The following CHCHD6 variants were observed in gnomAD, a reference collection of about 807,000 sequenced individuals.
CHCHD6 encodes the protein coiled-coil-helix-coiled-coil-helix domain containing 6.
CHCHD6 carries 28 observed loss-of-function variants against 32.3 expected under a neutral mutation model. The ratio of observed to expected loss-of-function variants is 0.87; its 90% confidence interval spans 0.64 to 1.19. The LOEUF is 1.19. Ranked by LOEUF, CHCHD6 falls within the 50% of genes most tolerant of loss-of-function variation. The pLI is 0.00. For synonymous variants in CHCHD6, 122 were observed against 117.5 expected, an observed-to-expected ratio of 1.04 and a Z score of -0.25; for missense variants, 333 against 307.0, an observed-to-expected ratio of 1.08 and a Z score of -0.63.
chr3:126,745,408 G>A (rs1407336292), intron 4 of CHCHD6, among the ~76,000 whole-genome samples: 1 of 152,178 alleles, frequency 6.6e-6, no homozygotes, highest in African/African-American at 2.4e-5. Flanking sequence ...TTGTTAGCAT[G>A]CTTTCATAAT....
chr3:126,886,243 A>G (rs1228305167), intron 5 of CHCHD6, among the ~76,000 whole-genome samples: 3 of 152,224 alleles, frequency 2.0e-5, no homozygotes, highest in Non-Finnish European at 2.9e-5. Context: ...CTGATTCACA[A>G]GTTCTCTTTT....
chr3:126,941,750 T>C (rs1423838639), intron 6 of CHCHD6, among the ~76,000 whole-genome samples: 8 of 152,322 alleles, frequency 5.3e-5, no homozygotes, highest in Non-Finnish European at 1.2e-4. Context: ...TCACCTTTTC[T>C]CTCTAGATGA....
intron 4 of CHCHD6, among the ~76,000 whole-genome samples, chr3:126,807,389 C>G (rs1939446152): frequency 6.6e-6 from 1 of 151,844 alleles, no homozygotes; most frequent in South Asian, 2.1e-4. Context: ...AAAAATCACA[C>G]TTAGAAAAAA....
chr3:126,716,177 G>A (rs2107652169), intron 1 of CHCHD6, among the ~76,000 whole-genome samples: 1 of 152,230 alleles, frequency 6.6e-6, no homozygotes, highest in African/African-American at 2.4e-5. Flanking sequence ...AGCTTCCTTG[G>A]TTTGCCATCC....
chr3:126,862,628 T>C (rs1201741442), intron 5 of CHCHD6, among the ~76,000 whole-genome samples: 26 of 29,080 alleles, frequency 8.9e-4, no homozygotes, highest in Admixed American at 3.2e-3. Flanking sequence ...TCCTCCACCA[T>C]CACCACCTCA....
intron 4 of CHCHD6, among the ~76,000 whole-genome samples, chr3:126,767,835 G>A (rs528478456): frequency 6.6e-6 from 1 of 152,208 alleles, no homozygotes; most frequent in South Asian, 2.1e-4. Flanking sequence ...CTTGTAAGTG[G>A]GAACATGCAG....
intron 4 of CHCHD6, among the ~76,000 whole-genome samples, chr3:126,823,992 A>AT (rs1491452418): frequency 2.6e-5 from 4 of 152,046 alleles, no homozygotes; most frequent in Non-Finnish European, 5.9e-5. Context: ...GGAGGTTCAC[A>AT]TGAGTCCTGG....
In CHCHD6 at chr3:126,704,406, G is replaced by T. The variant is rs368894266; in HGVS notation, c.87+7G>T. The T allele has an allele frequency of 6.7e-5, 101 of 1,517,676 alleles. 1 individual carries two copies. In the Middle Eastern group the frequency reaches 7.0e-4, roughly 11 times the overall value. 94.0% of individuals were successfully genotyped at this position (1,517,676 alleles called of 1,614,324 possible). The stretch of plus-strand genomic sequence containing the variant: ...GGTGCTGCAGGGTGTCCGGGTGAGC[G>T]GCGCCGCCTGGGCCGGGGCGGGCGT... On this transcript the variant is annotated splice_region_variant and intron_variant, in intron 1 of 7. Transcript: ENST00000290913.
intron 3 of CHCHD6, among the ~76,000 whole-genome samples, chr3:126,731,407 T>C (rs193141237): frequency 6.6e-6 from 1 of 152,336 alleles, no homozygotes; most frequent in African/African-American, 2.4e-5. Flanking sequence ...GGGTGGCATC[T>C]TGATCCTGCA....
chr3:126,886,342 A>G (rs1173141182), intron 5 of CHCHD6, among the ~76,000 whole-genome samples: 1 of 152,220 alleles, frequency 6.6e-6, no homozygotes, highest in Non-Finnish European at 1.5e-5. Context: ...TTTAAATTGT[A>G]TGCTGTTCTT....
At chr3:126,880,690 A>G (rs925019447) in intron 5 of CHCHD6, among the ~76,000 whole-genome samples, 10 of 151,978 alleles carry the variant, frequency 6.6e-5, no homozygotes, top group African/African-American at 2.4e-4. Flanking sequence ...AAGGATGAGT[A>G]AAAGGGAAAA....
rs1051679775 is a variant in CHCHD6, at chr3:126,855,920, C to T, written c.495+3190C>T. Among the ~76,000 whole-genome samples the T allele has an allele frequency of 2.6e-5, 4 of 152,102 alleles. No homozygotes were observed. In the South Asian group the frequency reaches 6.2e-4, roughly 24 times the overall value. Reference sequence around the variant, plus strand: ...CAGGAGAACCGCAAGGTCCCATGGCCGGCTGAGCAAGCAAACCACTGCTCA... The same window carrying T: ...CAGGAGAACCGCAAGGTCCCATGGCTGGCTGAGCAAGCAAACCACTGCTCA... On this transcript the variant is annotated intron_variant, in intron 5 of 7. Transcript: ENST00000290913.
At position 126,777,542 on chromosome 3, in the gene CHCHD6, G is replaced by A. The variant is rs1937708231; in HGVS notation, c.411+44320G>A. 2.6e-5 allele frequency among the ~76,000 whole-genome samples: 4 copies of A among 152,166 alleles called. No individual in the cohort carries two copies. The South Asian group carries it at 8.3e-4, about 32-fold the overall frequency. On this transcript the variant is annotated intron_variant, in intron 4 of 7. Transcript: ENST00000290913. ...CAAGATACCCTCTAGGAGACACACA[G>A]AAATGAGGCAGACTGCAGGAGGCAC...
At chr3:126,900,602 CTTTTTTTT>C (rs35627042) in intron 5 of CHCHD6, among the ~76,000 whole-genome samples, 1 of 116,800 alleles carries the variant, frequency 8.6e-6, no homozygotes, top group East Asian at 2.5e-4. Context: ...GTGTGACACA[CTTTTTTTT>C]TTTTTTTTTT....
intron 4 of CHCHD6, among the ~76,000 whole-genome samples, chr3:126,823,335 TG>T (rs1940233968): frequency 6.6e-6 from 1 of 152,230 alleles, no homozygotes; most frequent in Non-Finnish European, 1.5e-5. Context: ...TAGATCAATT[TG>T]TAGAGAATTG....
At position 126,736,230 on chromosome 3, in the gene CHCHD6, G is replaced by A. The variant is rs552353825; in HGVS notation, c.411+3008G>A. ...CTCTCCTGCATCTTCCGCATGGAAA[G>A]GTTGAAGGAGGTGGCTAGTTGGCAG... is the stretch of plus-strand genomic sequence containing the variant. On this transcript the variant is annotated intron_variant, in intron 4 of 7. Transcript: ENST00000290913. Among the ~76,000 whole-genome samples, 19 of 152,360 alleles carry A rather than the reference G, an allele frequency of 1.2e-4. No individual in the cohort carries two copies. The East Asian group carries it at 3.3e-3, about 26-fold the overall frequency.
intron 4 of CHCHD6, among the ~76,000 whole-genome samples, chr3:126,822,702 A>G (rs1940202763): frequency 1.4e-5 from 2 of 148,118 alleles, no homozygotes; most frequent in South Asian, 2.2e-4. Context: ...TAAATTTTAT[A>G]TAAGTATTAG....
chr3:126,778,539 C>T (rs1486943308), intron 4 of CHCHD6, among the ~76,000 whole-genome samples: 8 of 152,242 alleles, frequency 5.3e-5, no homozygotes, highest in Non-Finnish European at 1.2e-4. Context: ...TTTTCATGTG[C>T]TTATTGGCTA....
intron 4 of CHCHD6, among the ~76,000 whole-genome samples, chr3:126,834,196 C>T (rs1282970753): frequency 6.6e-6 from 1 of 151,902 alleles, no homozygotes; most frequent in Non-Finnish European, 1.5e-5. Flanking sequence ...AAGTTTCATG[C>T]CAGGTGTGGG....
Sources: gnomAD v4.1 joint callset for allele counts (sites outside exome capture counted in the v4.1 genomes callset) on GRCh38, gnomAD v4.1.1 for gene constraint, MANE v1.5 for transcripts, NCBI Gene and HGNC (gene_info 2026-07-23, HGNC 2026-07-21) for gene names.